SEMA6D: variants seen among roughly 807,000 people sequenced by gnomAD.
The protein encoded by SEMA6D is semaphorin-6D.
SEMA6D carries 35 observed loss-of-function variants against 106.6 expected under a neutral mutation model. The ratio of observed to expected loss-of-function variants is 0.33; its 90% CI spans 0.25 to 0.44. The LOEUF is 0.44. Among genes scored for constraint, SEMA6D ranks in the 20% least tolerant of loss-of-function variants. The pLI is 1.00. For missense variants in SEMA6D, 1,185 were observed against 1,345.9 expected (o/e 0.88, Z 1.87); for synonymous variants, 499 against 487.7 (o/e 1.02, Z -0.31).
intron 4 of SEMA6D, among the ~76,000 whole-genome samples, chr15:47,636,135 G>A (rs770404078): frequency 6.6e-6 from 1 of 151,968 alleles, no homozygotes; most frequent in Non-Finnish European, 1.5e-5. Context: ...AATATTTTAG[G>A]GATGATAGAA....
At chr15:47,460,871 TAACTC>T (rs2042486739) in intron 2 of SEMA6D, among the ~76,000 whole-genome samples, 2 of 152,062 alleles carry the variant, frequency 1.3e-5, no homozygotes, top group Non-Finnish European at 1.5e-5. Context: ...ACCCGGAAAT[TAACTC>T]AACTAACTAT....
intron 1 of SEMA6D, among the ~76,000 whole-genome samples, chr15:47,228,400 G>A (rs17285030): frequency 0.012 from 1,876 of 151,890 alleles, 57 homozygotes; most frequent in Admixed American, 0.012. Flanking sequence ...AACTATTGTC[G>A]GAAAATGGTT....
intron 1 of SEMA6D, among the ~76,000 whole-genome samples, chr15:47,189,779 T>A (rs1200641326): frequency 1.3e-5 from 2 of 152,228 alleles, no homozygotes. Context: ...TGATAAATAA[T>A]GATCATTTAA....
intron 4 of SEMA6D, among the ~76,000 whole-genome samples, chr15:47,663,976 A>G (rs183250770): frequency 6.6e-6 from 1 of 152,316 alleles, no homozygotes; most frequent in Admixed American, 6.5e-5. Context: ...TTGTTTTACT[A>G]CCAGACTTCA....
intron 1 of SEMA6D, among the ~76,000 whole-genome samples, chr15:47,297,189 T>C (rs1259251981): frequency 6.6e-6 from 1 of 152,172 alleles, no homozygotes; most frequent in Non-Finnish European, 1.5e-5. Context: ...ATAAATAATA[T>C]ATTTTAAAAT....
intron 4 of SEMA6D, among the ~76,000 whole-genome samples, chr15:47,656,645 C>A (rs979629400): frequency 6.6e-6 from 1 of 152,156 alleles, no homozygotes; most frequent in Non-Finnish European, 1.5e-5. Flanking sequence ...TTCTAGGAAG[C>A]CTTCAAACTT....
chr15:47,290,584 TTAA>T (rs1238367349), intron 1 of SEMA6D, among the ~76,000 whole-genome samples: 1 of 151,290 alleles, frequency 6.6e-6, no homozygotes, highest in Non-Finnish European at 1.5e-5. Context: ...ATGATTTATA[TTAA>T]TTACTACAAA....
intron 1 of SEMA6D, among the ~76,000 whole-genome samples, chr15:47,303,082 T>C (rs1366901014): frequency 1.3e-5 from 2 of 152,180 alleles, no homozygotes. Flanking sequence ...GTCTTACTTC[T>C]CCAGATACAT....
intron 3 of SEMA6D, among the ~76,000 whole-genome samples, chr15:47,517,676 C>T (rs1206920272): frequency 6.6e-6 from 1 of 152,148 alleles, no homozygotes; most frequent in Non-Finnish European, 1.5e-5. Context: ...TTGGAATATT[C>T]TTAGCTGCTG....
At chr15:47,436,587 A>T (rs1329168175) in intron 2 of SEMA6D, among the ~76,000 whole-genome samples, 1 of 150,522 alleles carries the variant, frequency 6.6e-6, no homozygotes, top group East Asian at 2.0e-4. Context: ...TAATTTTATG[A>T]TGCAGAAAAA....
chr15:47,679,796 T>G (rs1291746801), intron 4 of SEMA6D, among the ~76,000 whole-genome samples: 29 of 152,144 alleles, frequency 1.9e-4, no homozygotes, highest in Admixed American at 1.9e-3. Context: ...ATGAAAGCAT[T>G]TTTGCAATCT....
At chr15:47,300,785 C>T (rs989246392) in intron 1 of SEMA6D, among the ~76,000 whole-genome samples, 4 of 152,198 alleles carry the variant, frequency 2.6e-5, no homozygotes, top group Non-Finnish European at 5.9e-5. Flanking sequence ...GCCTTCTGTG[C>T]AGTCCCCAAA....
At chr15:47,233,804 C>G (rs1342070771) in intron 1 of SEMA6D, among the ~76,000 whole-genome samples, 5 of 151,928 alleles carry the variant, frequency 3.3e-5, no homozygotes, top group African/African-American at 7.3e-5. Flanking sequence ...TTTATTAGCT[C>G]TAACAACTTT....
chr15:47,738,247 G>A (rs1320081587), intron 1 of SEMA6D, among the ~76,000 whole-genome samples: 2 of 152,038 alleles, frequency 1.3e-5, no homozygotes, highest in South Asian at 2.1e-4. Context: ...GAGAACATGC[G>A]GTGTTTGGTT....
intron 1 of SEMA6D, among the ~76,000 whole-genome samples, chr15:47,237,186 G>T (rs548535373): frequency 4.3e-4 from 66 of 152,272 alleles, no homozygotes; most frequent in African/African-American, 1.5e-3. Context: ...TCTCACTGTG[G>T]TCATACTTAT....
chr15:47,589,957 G>A (rs889316940), intron 3 of SEMA6D, among the ~76,000 whole-genome samples: 2 of 152,142 alleles, frequency 1.3e-5, no homozygotes, highest in Non-Finnish European at 2.9e-5. Context: ...TCAGTTAGAT[G>A]GTTCTAGATT....
chr15:47,227,569 T>TCACACA (rs1555407289), intron 1 of SEMA6D, among the ~76,000 whole-genome samples: 119 of 127,956 alleles, frequency 9.3e-4, no homozygotes, highest in African/African-American at 1.5e-3. Context: ...TCTCTCTCTC[T>TCACACA]CACACACACA....
chr15:47,639,831 C>G (rs545255170), intron 4 of SEMA6D, among the ~76,000 whole-genome samples: 1 of 152,246 alleles, frequency 6.6e-6, no homozygotes, highest in South Asian at 2.1e-4. Context: ...CAAAAACTGT[C>G]AAGGTCACCA....
intron 4 of SEMA6D, among the ~76,000 whole-genome samples, chr15:47,696,597 A>C (rs2078704342): frequency 6.6e-6 from 1 of 152,236 alleles, no homozygotes. Context: ...TCTGCTGTGC[A>C]GCTTCTTGGC....
Sources: gnomAD v4.1 joint callset for allele counts (sites outside exome capture counted in the v4.1 genomes callset) on GRCh38, gnomAD v4.1.1 for gene constraint, MANE v1.5 for transcripts, NCBI Gene and HGNC (gene_info 2026-07-23, HGNC 2026-07-21) for gene names.